The following RNF216 variants were observed in gnomAD, a reference collection of about 807,000 sequenced individuals.
RNF216 encodes the protein E3 ubiquitin-protein ligase RNF216.
RNF216 carries 72 observed loss-of-function variants against 110.8 expected under a neutral mutation model. The ratio of observed to expected loss-of-function variants is 0.65; its 90% CI spans 0.54 to 0.79. The LOEUF (loss-of-function observed/expected upper bound fraction) is 0.79. RNF216 is among the 30% of genes least tolerant of loss of function. The pLI is 0.00. For missense variants in RNF216, 1,342 were observed against 1,141.2 expected (o/e 1.18, Z -2.54); for synonymous variants, 495 against 407.5 (o/e 1.21, Z -2.59).
chr7:5,683,915 G>A (rs1790810955), intron 13 of RNF216, among the ~76,000 whole-genome samples: 1 of 152,058 alleles, frequency 6.6e-6, no homozygotes, highest in Non-Finnish European at 1.5e-5. Context: ...ACAGAGAATA[G>A]GGACGGGCAT....
intron 15 of RNF216, among the ~76,000 whole-genome samples, chr7:5,635,692 C>T (rs1787355939): frequency 6.6e-6 from 1 of 152,224 alleles, no homozygotes; most frequent in Non-Finnish European, 1.5e-5. Context: ...GGACAAATGA[C>T]CCGGGTGGAA....
chr7:5,654,954 C>A (rs992639035), intron 13 of RNF216, among the ~76,000 whole-genome samples: 3 of 152,136 alleles, frequency 2.0e-5, no homozygotes, highest in African/African-American at 7.2e-5. Context: ...GGAGGACAAA[C>A]AACAGCTGGA....
At chr7:5,722,773 G>C (rs769981023) in intron 8 of RNF216, among the ~76,000 whole-genome samples, 1 of 151,872 alleles carries the variant, frequency 6.6e-6, no homozygotes, top group African/African-American at 2.4e-5. Flanking sequence ...TGTAATCCCA[G>C]CACTTTGGGA....
chr7:5,759,698 CTCAGCTCACTACAACCTCT>C (rs1244836821), intron 2 of RNF216, among the ~76,000 whole-genome samples: 4 of 138,800 alleles, frequency 2.9e-5, no homozygotes, highest in Non-Finnish European at 6.1e-5. Context: ...GTGGCACAAT[CTCAGCTCACTACAACCTCT>C]GCCTCCCAGG....
chr7:5,666,165 CAA>C (rs575439935), intron 13 of RNF216, among the ~76,000 whole-genome samples: 18 of 65,462 alleles, frequency 2.7e-4, no homozygotes, highest in Admixed American at 3.4e-4. Flanking sequence ...GACTCCGTCT[CAA>C]AAAAAAAAAA....
At chr7:5,723,899 C>G (rs755724467) in intron 8 of RNF216, among the ~76,000 whole-genome samples, 13 of 152,110 alleles carry the variant, frequency 8.5e-5, no homozygotes, top group Non-Finnish European at 5.9e-5. Flanking sequence ...AAGTGTGAGT[C>G]ATAAACATTA....
rs542614657 is a variant in RNF216, at chr7:5,772,719, G to T, written c.-70+8822C>A. ...CAAAATATACAGATATCAAAACCAG[G>T]TTAGCAAAGTTTTACAACAGAAATT... On this transcript the variant is annotated intron_variant, in intron 1 of 16. Transcript: ENST00000389902. Among the ~76,000 whole-genome samples, 52 of 150,948 alleles carry T rather than the reference G, an allele frequency of 3.4e-4. 1 individual carries two copies. The South Asian group carries it at 0.01, about 29-fold the overall frequency.
intron 13 of RNF216, 94 bp downstream of exon 13, chr7:5,711,667 T>A: frequency 1.1e-6 from 1 of 945,616 alleles, no homozygotes; most frequent in South Asian, 1.5e-5. Flanking sequence ...TTCTTATACA[T>A]CAGCAGTCAG....
chr7:5,739,304 G>T lies in RNF216; in HGVS notation c.1093C>A (p.His365Asn). Reference protein sequence around the residue: ...VANGFIEEIIHFKNYYDLNVL... With the variant: ...VANGFIEEIINFKNYYDLNVL... The stretch of plus-strand genomic sequence containing the variant: ...TTCAGATCATAATAATTCTTAAAAT[G>T]AATTATTTCCTCAATAAACCCATTT... The change falls in exon 5 of 17, where the codon CAT becomes AAT. Residue 365 changes from histidine (H) to asparagine (N), a missense_variant. Transcript: ENST00000389902. 2 of 1,596,836 alleles carry T rather than the reference G, an allele frequency of 1.3e-6. No individual in the cohort carries two copies. Among genetic ancestry groups the T allele is most frequent in the Non-Finnish European group, 1.7e-6 (2 of 1,175,034 alleles).
intron 15 of RNF216, among the ~76,000 whole-genome samples, chr7:5,636,952 CAG>C (rs1005441238): frequency 9.2e-5 from 14 of 152,148 alleles, no homozygotes; most frequent in Non-Finnish European, 1.5e-5. Flanking sequence ...GCAGAAGACA[CAG>C]AACGAGGAGG....
intron 4 of RNF216, chr7:5,739,553 G>C (rs1330197873): frequency 4.6e-6 from 3 of 654,580 alleles, no homozygotes; most frequent in Non-Finnish European, 8.5e-6. Context: ...GAAAGGTCTT[G>C]AGAGATCTGG....
chr7:5,641,012 T>C (rs1370962130), intron 15 of RNF216, 142 bp downstream of exon 15: 2 of 651,972 alleles, frequency 3.1e-6, no homozygotes, highest in Non-Finnish European at 5.1e-6. Flanking sequence ...TTTCTCAAAT[T>C]TTTTCTTTGG....
chr7:5,726,008 G>A (rs1262350944), intron 7 of RNF216, among the ~76,000 whole-genome samples: 7 of 152,074 alleles, frequency 4.6e-5, no homozygotes, highest in African/African-American at 1.2e-4. Flanking sequence ...TGGGTGCAGT[G>A]GCTCACACCT....
intron 13 of RNF216, among the ~76,000 whole-genome samples, chr7:5,679,732 C>G (rs1034191868): frequency 6.6e-6 from 1 of 151,902 alleles, no homozygotes; most frequent in African/African-American, 2.4e-5. Context: ...AAAAGAAAGG[C>G]AGGCACCACT....
At chr7:5,719,941 C>A (rs926929692) in intron 9 of RNF216, among the ~76,000 whole-genome samples, 3 of 152,144 alleles carry the variant, frequency 2.0e-5, no homozygotes, top group African/African-American at 7.2e-5. Flanking sequence ...TTTTATTACA[C>A]AGAATATTGA....
chr7:5,766,139 A>T (rs1796196558), intron 1 of RNF216, among the ~76,000 whole-genome samples: 1 of 151,880 alleles, frequency 6.6e-6, no homozygotes, highest in South Asian at 2.1e-4. Context: ...AAAATTAAAA[A>T]ACTAGCTGCG....
At chr7:5,639,179 T>C (rs1027265714) in intron 15 of RNF216, among the ~76,000 whole-genome samples, 3 of 152,114 alleles carry the variant, frequency 2.0e-5, no homozygotes, top group Admixed American at 6.6e-5. Context: ...CCTTAAGAGA[T>C]AGGGAAGCAG....
chr7:5,720,327 C>T (rs184775686), intron 9 of RNF216, among the ~76,000 whole-genome samples: 32 of 152,144 alleles, frequency 2.1e-4, no homozygotes, highest in African/African-American at 7.5e-4. Context: ...CATGCTGATC[C>T]ACACTTCCAT....
intron 3 of RNF216, among the ~76,000 whole-genome samples, chr7:5,752,435 G>A (rs1048923029): frequency 2.0e-5 from 3 of 151,960 alleles, no homozygotes; most frequent in Non-Finnish European, 4.4e-5. Flanking sequence ...TTTGGATTAC[G>A]CAAACTGATT....
Sources: allele counts gnomAD v4.1 joint callset (sites outside exome capture counted in the v4.1 genomes callset), GRCh38; gene constraint gnomAD v4.1.1; transcripts MANE v1.5; gene names NCBI Gene and HGNC (gene_info 2026-07-23, HGNC 2026-07-21).